CDK11B: variants seen among roughly 807,000 people sequenced by gnomAD.
CDK11B encodes cyclin-dependent kinase 11B.
CDK11B carries 37 observed loss-of-function variants against 84.0 expected under a neutral mutation model. The ratio of observed to expected loss-of-function variants is 0.44; its 90% CI spans 0.34 to 0.58. The LOEUF (loss-of-function observed/expected upper bound fraction) is 0.58, where lower values mean the gene tolerates loss of function less well. Ranked by LOEUF, CDK11B falls within the 20% of genes least tolerant of loss-of-function variation. CDK11B has a pLI of 0.02. For missense variants in CDK11B, 427 were observed against 834.0 expected (o/e 0.51, Z 6.01); for synonymous variants, 269 against 309.8 (o/e 0.87, Z 1.38).
chr1:1,650,268 C>CAATAAAAAAAAAAAA (rs1641790077), intron 4 of CDK11B, among the ~76,000 whole-genome samples: 1 of 45,814 alleles, frequency 2.2e-5, no homozygotes, highest in African/African-American at 8.9e-5. Flanking sequence ...GACTCCGTCC[C>CAATAAAAAAAAAAAA]AAAAAAAAAA....
chr1:1,650,268 C>CAAAAAAAAAA (rs1212256890), intron 4 of CDK11B, among the ~76,000 whole-genome samples: 3 of 45,794 alleles, frequency 6.6e-5, no homozygotes, highest in African/African-American at 2.7e-4. Flanking sequence ...GACTCCGTCC[C>CAAAAAAAAAA]AAAAAAAAAA....
At position 1,636,954 on chromosome 1, in the gene CDK11B, G is replaced by A. The variant is rs746983352; in HGVS notation, c.1743C>T (p.Tyr581=). 44 of 1,609,602 alleles carry A rather than the reference G, an allele frequency of 2.7e-5. No homozygotes were observed. The highest frequency in any genetic ancestry group is 3.7e-5 in the Non-Finnish European group (43 of 1,177,422). Residue 581 remains tyrosine, a synonymous_variant, in exon 16 of 20, where the codon TAC becomes TAT. Transcript: ENST00000341832. The stretch of plus-strand genomic sequence containing the variant: ...ACCACAGGGTCACCACGACCGGGGT[G>A]TAGGCCTTCAGAGGGGATCCGTACT... ...AREYGSPLKA[Y]TPVVVTLWYR...
chr1:1,650,340 C>T (rs1248142405), intron 4 of CDK11B, among the ~76,000 whole-genome samples: 2 of 141,248 alleles, frequency 1.4e-5, no homozygotes, highest in East Asian at 2.0e-4. Flanking sequence ...ATGATGTTAA[C>T]GTTAAGTAAT....
At chr1:1,655,244 T>C (rs1642588960) in intron 3 of CDK11B, 125 bp downstream of exon 3, 1 of 1,216,988 alleles carries the variant, frequency 8.2e-7, no homozygotes, top group African/African-American at 1.5e-5. Context: ...TATGTCACAG[T>C]AACTCTAGGA....
At chr1:1,655,149 GA>G (rs1045195972) in intron 3 of CDK11B, among the ~76,000 whole-genome samples, 4 of 152,086 alleles carry the variant, frequency 2.6e-5, no homozygotes, top group African/African-American at 9.7e-5. Flanking sequence ...GTTCTTTACA[GA>G]AAGAAGGGGC....
chr1:1,649,328 C>T (rs1170513671), intron 5 of CDK11B, among the ~76,000 whole-genome samples, 171 bp downstream of exon 5: 2 of 151,994 alleles, frequency 1.3e-5, no homozygotes, highest in African/African-American at 4.8e-5. Flanking sequence ...GTCTCCATCT[C>T]CTCACCTCAT....
intron 13 of CDK11B, 27 bp downstream of exon 13, chr1:1,637,735 G>A (rs762205632): frequency 1.2e-6 from 2 of 1,613,550 alleles, no homozygotes; most frequent in Admixed American, 1.7e-5. Context: ...TTCCACCCGG[G>A]GCCAGGCGTG....
rs1476957160 is a variant in CDK11B at position 1,650,130 on chromosome 1, T to C, written c.356-493A>G. Among the ~76,000 whole-genome samples, 775 of 147,400 alleles carry C rather than the reference T, an allele frequency of 5.3e-3. 1 individual carries two copies. Among genetic ancestry groups the C allele is most frequent in the African/African-American group, 0.012 (463 of 39,852 alleles). ...CTAAAAATACAAAAAATTAGCTGGG[T>C]GTGGTGGCGGGCACCTGTAGTCCCA... On this transcript the variant is annotated intron_variant, in intron 4 of 19. Coordinates refer to ENST00000341832, the MANE Select transcript of CDK11B (RefSeq NM_033486.3).
intron 3 of CDK11B, chr1:1,654,113 C>T: frequency 2.2e-6 from 1 of 460,886 alleles, no homozygotes; most frequent in South Asian, 1.6e-5. Context: ...AAAATTCACA[C>T]CTTAAGCTTC....
Position 1,640,541 on chromosome 1 carries a change from G to A in CDK11B, c.1076-89C>T, listed in dbSNP as rs1640123683. On this transcript the variant is annotated intron_variant, in intron 10 of 19. Transcript: ENST00000341832. ...CCGGGGGCATCAAGCGCGTGGCAGG[G>A]CTGCCCCGTGTCCCGCTGGGAGGTG... The A allele has an allele frequency of 1.3e-5, 20 of 1,567,746 alleles. No individual in the cohort carries two copies. The East Asian group carries it at 4.5e-4, about 35-fold the overall frequency.
chr1:1,648,859 T>TC (rs1406083875), intron 5 of CDK11B, among the ~76,000 whole-genome samples: 1 of 152,060 alleles, frequency 6.6e-6, no homozygotes, highest in Non-Finnish European at 1.5e-5. Flanking sequence ...AGCCTTGACC[T>TC]CCAGGCTCAA....
intron 3 of CDK11B, among the ~76,000 whole-genome samples, 186 bp downstream of exon 3, chr1:1,655,180 GACA>G (rs1642577856): frequency 6.6e-6 from 1 of 151,142 alleles, no homozygotes; most frequent in Non-Finnish European, 1.5e-5. Context: ...GAGGGCCACA[GACA>G]ACACTTGAGA....
rs958833307 is a variant in CDK11B at position 1,636,419 on chromosome 1, C to T, written c.1980G>A (p.Lys660=). 5 of 1,612,882 alleles carry T rather than the reference C, an allele frequency of 3.1e-6. No individual in the cohort carries two copies. The highest frequency in any genetic ancestry group is 1.7e-5 in the Admixed American group (1 of 59,836). Residue 660 remains lysine (K), a synonymous_variant, in exon 18 of 20, where the codon AAG becomes AAA. Transcript: ENST00000341832. The part of the protein sequence containing the change: ...PGYSELPAVK[K]MTFSEHPYNN... The stretch of plus-strand genomic sequence containing the variant: ...TGTAGGGGTGCTCGCTGAAGGTCAT[C>T]TTCTTGACTGCTGGGAGCTCGCTGT...
At chr1:1,658,003 G>C (rs1643001912) in intron 1 of CDK11B, among the ~76,000 whole-genome samples, 1 of 149,756 alleles carries the variant, frequency 6.7e-6, no homozygotes, top group Non-Finnish European at 1.5e-5. Context: ...CGAAAACCCT[G>C]TCTCCACTAA....
rs1187750677 is a variant in CDK11B at position 1,637,202 on chromosome 1, C to T, written c.1571G>A (p.Gly524Glu). ...CTGGATCATCAGGGTCTTCACCTCC[C>T]CTGGGAGGGAGGGAAGCTCCCATGT... ...METMKQPFLP[G>E]EVKTLMIQLL... Residue 524 changes from glycine to glutamate, a missense_variant and splice_region_variant, in exon 15 of 20, where the codon GGG (glycine) becomes GAG (glutamate). Gly to Glu is a moderately conservative substitution (Grantham distance 98). Transcript: ENST00000341832. 1 of 1,613,228 alleles carries T rather than the reference C, an allele frequency of 6.2e-7. No individual in the cohort carries two copies. Among genetic ancestry groups the T allele is most frequent in the Non-Finnish European group, 8.5e-7 (1 of 1,179,798 alleles).
chr1:1,640,702 G>A (rs566132784), intron 10 of CDK11B, among the ~76,000 whole-genome samples: 13 of 152,270 alleles, frequency 8.5e-5, no homozygotes, highest in East Asian at 3.9e-4. Context: ...CCACATCCAC[G>A]TCCACCAGGC....
chr1:1,647,238 G>A lies in CDK11B; in HGVS notation c.495-1976C>T, dbSNP rs1641276290. ...CAAGCCTTTACTAAATTCAACATCT[G>A]GACACTCAGACAGTTTTTACTGATG... On this transcript the variant is annotated intron_variant, in intron 5 of 19. Transcript: ENST00000341832. Among the ~76,000 whole-genome samples, 6 of 152,302 alleles carry A rather than the reference G, an allele frequency of 3.9e-5. No homozygotes were observed. The South Asian group carries it at 1.2e-3, about 32-fold the overall frequency.
In CDK11B at chr1:1,636,460, T is replaced by C. The variant is rs1211054274; in HGVS notation, c.1939A>G (p.Lys647Glu). The C allele has an allele frequency of 6.2e-7, 1 of 1,612,810 alleles. No individual in the cohort carries two copies. Among genetic ancestry groups the C allele is most frequent in the South Asian group, 1.1e-5 (1 of 90,870 alleles). Residue 647 changes from lysine to glutamate, a missense_variant, in exon 18 of 20, where the codon AAA becomes GAA. Lys to Glu is a moderately conservative substitution (Grantham distance 56). Around this residue, in one of 12 missense-constraint regions of CDK11B, gnomAD observed 170 missense variants for 196.0 expected, o/e 0.87. Coordinates refer to ENST00000341832, the MANE Select transcript of CDK11B (RefSeq NM_033486.3). ...AGCTCGCTGTAGCCGGGCCAGATTT[T>C]CTCACTAGGGGTCCCCAGATCCTGA... ...VFKDLGTPSE[K>E]IWPGYSELPA...
chr1:1,637,983 A>G lies in CDK11B; in HGVS notation c.1343-100T>C, dbSNP rs1030875107. On this transcript the variant is annotated intron_variant, in intron 12 of 19. Coordinates refer to ENST00000341832, the MANE Select transcript of CDK11B (RefSeq NM_033486.3). Reference sequence around the variant, plus strand: ...GACCGCAGGCAGTGCCCAAAGCGCCAGCATTTCACGGAGGGGGGTCTCGTT... The same window carrying G: ...GACCGCAGGCAGTGCCCAAAGCGCCGGCATTTCACGGAGGGGGGTCTCGTT... 23 of 1,541,546 alleles carry G rather than the reference A, an allele frequency of 1.5e-5. 1 individual carries two copies. Among genetic ancestry groups the G allele is most frequent in the Non-Finnish European group, 2.0e-5 (23 of 1,134,288 alleles).
Sources: allele counts gnomAD v4.1 joint callset (sites outside exome capture counted in the v4.1 genomes callset), GRCh38; gene constraint gnomAD v4.1.1; regional missense constraint gnomAD v4.1.1; transcripts MANE v1.5; gene names NCBI Gene and HGNC (gene_info 2026-07-23, HGNC 2026-07-21).